SPOCK1: variants seen among roughly 807,000 people sequenced by gnomAD.
SPOCK1 encodes the protein SPARC (osteonectin), cwcv and kazal like domains proteoglycan 1.
Under a neutral mutation model 55.3 loss-of-function variants are expected in SPOCK1, and 23 were observed. The ratio of observed to expected loss-of-function variants is 0.42; its 90% CI spans 0.30 to 0.59. The LOEUF (loss-of-function observed/expected upper bound fraction) is 0.59. Ranked by LOEUF, SPOCK1 falls within the 20% of genes least tolerant of loss-of-function variation. The probability of loss-of-function intolerance (pLI) is 0.22; values close to 1 mark genes in which losing one functional copy is unlikely to be tolerated. For synonymous variants in SPOCK1, 226 were observed against 221.0 expected (o/e 1.02, Z -0.20); for missense variants, 499 against 552.5 (o/e 0.90, Z 0.97).
intron 2 of SPOCK1, among the ~76,000 whole-genome samples, chr5:137,303,882 C>T (rs1757649996): frequency 6.6e-6 from 1 of 151,470 alleles, no homozygotes; most frequent in Admixed American, 6.6e-5. Flanking sequence ...GTACACACTC[C>T]CTTTTCCTGT....
intron 2 of SPOCK1, among the ~76,000 whole-genome samples, chr5:137,334,729 A>G (rs932927295): frequency 2.0e-5 from 3 of 152,202 alleles, no homozygotes; most frequent in Non-Finnish European, 4.4e-5. Context: ...TTCTCCTCAC[A>G]GTCCTGCTAA....
intron 3 of SPOCK1, among the ~76,000 whole-genome samples, chr5:137,189,281 T>C (rs1755132869): frequency 6.6e-6 from 1 of 152,188 alleles, no homozygotes; most frequent in African/African-American, 2.4e-5. Flanking sequence ...TGGACTTTCA[T>C]AGCTAGAAAG....
intron 2 of SPOCK1, among the ~76,000 whole-genome samples, chr5:137,424,830 A>G (rs4510572): frequency 0.92 from 140,020 of 152,242 alleles, 65,163 homozygotes; most frequent in East Asian, 1. Context: ...GGACTGAGGG[A>G]CTGAGTATAA....
At chr5:137,129,128 G>A (rs907732847) in intron 4 of SPOCK1, among the ~76,000 whole-genome samples, 4 of 152,166 alleles carry the variant, frequency 2.6e-5, no homozygotes, top group Admixed American at 2.6e-4. Context: ...GGTCTTCAGG[G>A]TGTTGCAGAA....
intron 2 of SPOCK1, among the ~76,000 whole-genome samples, chr5:137,309,946 T>C (rs77329282): frequency 0.011 from 1,655 of 152,292 alleles, 24 homozygotes; most frequent in South Asian, 0.038. Flanking sequence ...AATGTCTCTT[T>C]TTCCACATAT....
At chr5:137,318,633 A>G (rs1387905800) in intron 2 of SPOCK1, among the ~76,000 whole-genome samples, 1 of 152,260 alleles carries the variant, frequency 6.6e-6, no homozygotes, top group Non-Finnish European at 1.5e-5. Flanking sequence ...AAACAAATCC[A>G]GGATGTTACT....
intron 2 of SPOCK1, among the ~76,000 whole-genome samples, chr5:137,456,149 T>G (rs1383974496): frequency 6.6e-6 from 1 of 152,148 alleles, no homozygotes; most frequent in Non-Finnish European, 1.5e-5. Context: ...GTGAGACTGC[T>G]CATATGAGGG....
chr5:137,451,561 TG>T (rs1561539355), intron 2 of SPOCK1, among the ~76,000 whole-genome samples: 1 of 152,238 alleles, frequency 6.6e-6, no homozygotes, highest in African/African-American at 2.4e-5. Context: ...ATCCAGCTAA[TG>T]TGCTTTCCCT....
intron 2 of SPOCK1, among the ~76,000 whole-genome samples, chr5:137,326,953 T>G (rs909308880): frequency 3.3e-5 from 5 of 152,206 alleles, no homozygotes; most frequent in Non-Finnish European, 7.3e-5. Flanking sequence ...ATTTCTGACA[T>G]CATCCAAAAG....
chr5:137,140,784 A>G (rs1439634109), intron 3 of SPOCK1, 90 bp from the exon 4 acceptor site: 9 of 750,018 alleles, frequency 1.2e-5, no homozygotes, highest in Admixed American at 9.2e-5. Flanking sequence ...GTTGAGACGG[A>G]CTCTCGCTGT....
At chr5:137,384,640 C>T (rs1751562513) in intron 2 of SPOCK1, among the ~76,000 whole-genome samples, 1 of 151,124 alleles carries the variant, frequency 6.6e-6, no homozygotes, top group Middle Eastern at 3.2e-3. Context: ...CCAGCAGAGT[C>T]CCTCTGAAGT....
At chr5:137,423,193 C>G (rs892873431) in intron 2 of SPOCK1, among the ~76,000 whole-genome samples, 3 of 152,228 alleles carry the variant, frequency 2.0e-5, no homozygotes, top group Non-Finnish European at 4.4e-5. Context: ...CAGTCTGCCC[C>G]TACTGGGGGG....
chr5:137,297,834 CAGA>C (rs1224308709), intron 2 of SPOCK1, among the ~76,000 whole-genome samples: 2 of 152,156 alleles, frequency 1.3e-5, no homozygotes, highest in African/African-American at 4.8e-5. Context: ...TTAATTTTAA[CAGA>C]AGGAGGAAAA....
intron 2 of SPOCK1, among the ~76,000 whole-genome samples, chr5:137,369,830 C>A (rs935687733): frequency 2.0e-5 from 3 of 152,128 alleles, no homozygotes; most frequent in African/African-American, 7.2e-5. Flanking sequence ...TATAAGGACA[C>A]TAATCCCATC....
chr5:137,284,618 G>A lies in SPOCK1; in HGVS notation c.187-17563C>T, dbSNP rs56961244. Among the ~76,000 whole-genome samples the A allele has an allele frequency of 1.5e-3, 230 of 152,288 alleles. 1 individual carries two copies. Among genetic ancestry groups the A allele is most frequent in the African/African-American group, 5.1e-3 (214 of 41,564 alleles). On this transcript the variant is annotated intron_variant, in intron 2 of 10. Transcript: ENST00000394945. ...AAGCCAGTCCATGGGAAGGGCCCTCGGGTGGCAGAGTGACCTCATGAAAGG... is the reference window on the plus strand; with the variant it reads ...AAGCCAGTCCATGGGAAGGGCCCTCAGGTGGCAGAGTGACCTCATGAAAGG...
intron 2 of SPOCK1, among the ~76,000 whole-genome samples, chr5:137,490,947 C>T (rs1348483646): frequency 6.6e-6 from 1 of 152,176 alleles, no homozygotes; most frequent in Non-Finnish European, 1.5e-5. Context: ...AGACAGAAAG[C>T]AGCATCTATA....
At chr5:137,076,681 TG>T (rs368427479) in intron 5 of SPOCK1, among the ~76,000 whole-genome samples, 22 of 152,080 alleles carry the variant, frequency 1.4e-4, no homozygotes, top group African/African-American at 5.1e-4. Flanking sequence ...ATATCTCCTT[TG>T]CACCATCTTA....
chr5:137,023,158 C>T (rs1243076714), intron 6 of SPOCK1, among the ~76,000 whole-genome samples: 1 of 152,140 alleles, frequency 6.6e-6, no homozygotes, highest in African/African-American at 2.4e-5. Context: ...AAGAATGGGA[C>T]TAAGAATACT....
chr5:137,392,559 C>T (rs143433089), intron 2 of SPOCK1, among the ~76,000 whole-genome samples: 168 of 152,302 alleles, frequency 1.1e-3, no homozygotes, highest in African/African-American at 3.9e-3. Context: ...TGCATGGGTT[C>T]ACACCCAGCA....
Sources: gnomAD v4.1 joint callset for allele counts (sites outside exome capture counted in the v4.1 genomes callset) on GRCh38, gnomAD v4.1.1 for gene constraint, MANE v1.5 for transcripts, NCBI Gene and HGNC (gene_info 2026-07-23, HGNC 2026-07-21) for gene names.